Variants in NLGN1 observed in about 807,000 individuals in gnomAD.
NLGN1 encodes neuroligin 1.
NLGN1 carries 12 observed loss-of-function variants against 65.5 expected under a neutral mutation model. That is an observed-to-expected ratio of 0.18 (90% CI 0.12 to 0.30). NLGN1 has a LOEUF of 0.30. Ranked by LOEUF, NLGN1 falls within the 10% of genes least tolerant of loss-of-function variation. NLGN1 has a pLI of 1.00. For missense variants in NLGN1, 750 were observed against 1,007.1 expected (o/e 0.74, Z 3.46); for synonymous variants, 350 against 359.5 (o/e 0.97, Z 0.30).
intron 3 of NLGN1, among the ~76,000 whole-genome samples, chr3:173,741,935 G>A (rs570973626): frequency 2.0e-5 from 3 of 152,182 alleles, no homozygotes; most frequent in South Asian, 2.1e-4. Flanking sequence ...CGTAATGTAC[G>A]CTCCTTTGTT....
chr3:174,033,531 G>C (rs1730489543), intron 4 of NLGN1, among the ~76,000 whole-genome samples: 1 of 128,574 alleles, frequency 7.8e-6, no homozygotes, highest in African/African-American at 3.3e-5. Context: ...TAAAATAACT[G>C]TGATTCATGT....
intron 3 of NLGN1, among the ~76,000 whole-genome samples, chr3:173,733,019 T>C (rs1350274095): frequency 6.6e-6 from 1 of 152,166 alleles, no homozygotes; most frequent in Non-Finnish European, 1.5e-5. Context: ...TCAAAAATTA[T>C]CTTTCAATTT....
intron 3 of NLGN1, among the ~76,000 whole-genome samples, chr3:173,750,679 A>G (rs1472281155): frequency 1.3e-5 from 2 of 152,098 alleles, no homozygotes; most frequent in Non-Finnish European, 2.9e-5. Context: ...TGTACACTGC[A>G]GAAATAGTGG....
At chr3:173,633,043 A>C (rs1755979082) in intron 3 of NLGN1, among the ~76,000 whole-genome samples, 2 of 152,022 alleles carry the variant, frequency 1.3e-5, no homozygotes, top group Admixed American at 6.6e-5. Flanking sequence ...AAAAAAGATT[A>C]GTGGGAATTA....
intron 3 of NLGN1, among the ~76,000 whole-genome samples, chr3:173,687,300 C>T (rs903033258): frequency 6.6e-6 from 1 of 152,182 alleles, no homozygotes; most frequent in Non-Finnish European, 1.5e-5. Context: ...ATATTCTCTA[C>T]CCACACATGT....
At chr3:174,206,651 C>T (rs183079467) in intron 4 of NLGN1, among the ~76,000 whole-genome samples, 1 of 152,260 alleles carries the variant, frequency 6.6e-6, no homozygotes, top group East Asian at 1.9e-4. Context: ...TTTTCAGCTA[C>T]CGGTAAAATA....
At chr3:174,278,236 T>C (rs749765811) in intron 5 of NLGN1, among the ~76,000 whole-genome samples, 1 of 151,990 alleles carries the variant, frequency 6.6e-6, no homozygotes, top group African/African-American at 2.4e-5. Context: ...TTCTGAAAGA[T>C]GAATATTCAG....
At chr3:174,175,523 C>A (rs1247330827) in intron 4 of NLGN1, among the ~76,000 whole-genome samples, 1 of 151,670 alleles carries the variant, frequency 6.6e-6, no homozygotes, top group African/African-American at 2.4e-5. Flanking sequence ...CTATATGTGT[C>A]TCTATTGAAG....
At chr3:173,553,227 ATAAC>A (rs1741175136) in intron 2 of NLGN1, among the ~76,000 whole-genome samples, 1 of 152,188 alleles carries the variant, frequency 6.6e-6, no homozygotes, top group Admixed American at 6.5e-5. Flanking sequence ...GGATAAAAAG[ATAAC>A]TAATTGCCTG....
intron 3 of NLGN1, among the ~76,000 whole-genome samples, chr3:173,619,234 A>G (rs778866212): frequency 6.6e-6 from 1 of 152,162 alleles, no homozygotes; most frequent in Non-Finnish European, 1.5e-5. Flanking sequence ...CTAAAACACT[A>G]TGACCACTTG....
intron 4 of NLGN1, among the ~76,000 whole-genome samples, chr3:173,903,853 A>T (rs1159544197): frequency 6.6e-6 from 1 of 152,074 alleles, no homozygotes; most frequent in African/African-American, 2.4e-5. Flanking sequence ...CTGTAAGGAG[A>T]TCTTTTATTA....
At chr3:173,495,659 G>A (rs902083066) in intron 2 of NLGN1, among the ~76,000 whole-genome samples, 4 of 130,262 alleles carry the variant, frequency 3.1e-5, no homozygotes, top group South Asian at 2.7e-4. Flanking sequence ...TTCTTTTCCC[G>A]GTTTTCTAAG....
At chr3:173,887,423 A>T (rs1734555374) in intron 4 of NLGN1, among the ~76,000 whole-genome samples, 1 of 152,048 alleles carries the variant, frequency 6.6e-6, no homozygotes, top group Non-Finnish European at 1.5e-5. Context: ...TTTAGTGATC[A>T]TGAAAACAAA....
intron 4 of NLGN1, among the ~76,000 whole-genome samples, chr3:174,132,993 T>C (rs1577035991): frequency 6.6e-6 from 1 of 152,206 alleles, no homozygotes; most frequent in Non-Finnish European, 1.5e-5. Flanking sequence ...TGAGTGTCAT[T>C]GATTCCACCT....
chr3:173,522,458 T>G (rs1225262106), intron 2 of NLGN1, among the ~76,000 whole-genome samples: 2 of 152,096 alleles, frequency 1.3e-5, no homozygotes, highest in Non-Finnish European at 2.9e-5. Context: ...TGAGACAGAG[T>G]CTTGCTCAGT....
intron 2 of NLGN1, among the ~76,000 whole-genome samples, chr3:173,453,957 C>G (rs940485340): frequency 1.3e-5 from 2 of 152,190 alleles, no homozygotes; most frequent in African/African-American, 4.8e-5. Context: ...TGTCTATAGC[C>G]TTATGAAATG....
intron 4 of NLGN1, chr3:173,920,823 G>A (rs1384676583): frequency 2.6e-5 from 4 of 152,192 alleles, no homozygotes; most frequent in African/African-American, 4.8e-5. Context: ...TAGAAACAGA[G>A]AGAGAGAGAG....
At chr3:173,614,437 G>A (rs1032504274) in intron 3 of NLGN1, among the ~76,000 whole-genome samples, 1 of 152,080 alleles carries the variant, frequency 6.6e-6, no homozygotes, top group South Asian at 2.1e-4. Context: ...AAGAATGCCT[G>A]CAACATCCTC....
At chr3:173,833,791 G>A (rs917601261) in intron 4 of NLGN1, among the ~76,000 whole-genome samples, 6 of 152,088 alleles carry the variant, frequency 3.9e-5, no homozygotes, top group African/African-American at 9.7e-5. Flanking sequence ...ATGAGCCACC[G>A]CACCTGGCCA....
Sources: allele counts gnomAD v4.1 joint callset (sites outside exome capture counted in the v4.1 genomes callset), GRCh38; gene constraint gnomAD v4.1.1; transcripts MANE v1.5; gene names NCBI Gene and HGNC (gene_info 2026-07-23, HGNC 2026-07-21).